MYCBP2: variants seen among roughly 807,000 people sequenced by gnomAD.
The protein encoded by MYCBP2 is E3 ubiquitin-protein ligase MYCBP2.
Under a neutral mutation model 525.3 loss-of-function variants are expected in MYCBP2, and 120 were observed. That is an observed-to-expected ratio of 0.23 (90% CI 0.20 to 0.27). MYCBP2 has a LOEUF of 0.27. Among genes scored for constraint, MYCBP2 ranks in the 10% least tolerant of loss-of-function variants. The probability of loss-of-function intolerance (pLI) is 1.00; values close to 1 mark genes in which losing one functional copy is unlikely to be tolerated. For synonymous variants in MYCBP2, 1,894 were observed against 1,955.8 expected (o/e 0.97, Z 0.83); for missense variants, 4,149 against 5,657.1 (o/e 0.73, Z 8.55).
chr13:77,153,179 TGC>T (rs1301671468), intron 46 of MYCBP2, among the ~76,000 whole-genome samples: 1 of 151,988 alleles, frequency 6.6e-6, no homozygotes, highest in Non-Finnish European at 1.5e-5. Context: ...ACACACTGGG[TGC>T]AGGAACCCAA....
chr13:77,214,478 T>C (rs939048623), intron 21 of MYCBP2, among the ~76,000 whole-genome samples: 1 of 151,990 alleles, frequency 6.6e-6, no homozygotes, highest in East Asian at 1.9e-4. Flanking sequence ...GCTTTATGAA[T>C]TGATATGGAG....
At chr13:77,123,659 G>A (rs2051138904) in intron 54 of MYCBP2, among the ~76,000 whole-genome samples, 1 of 152,138 alleles carries the variant, frequency 6.6e-6, no homozygotes, top group South Asian at 2.1e-4. Context: ...GTAAAAAGTT[G>A]CACAGCTGGG....
chr13:77,191,426 C>T (rs550988379), intron 28 of MYCBP2, among the ~76,000 whole-genome samples: 10 of 152,242 alleles, frequency 6.6e-5, no homozygotes, highest in South Asian at 2.1e-4. Context: ...TAATCAAGCT[C>T]GTAAACAATG....
intron 23 of MYCBP2, among the ~76,000 whole-genome samples, chr13:77,208,562 T>G (rs1041936085): frequency 2.6e-5 from 4 of 152,220 alleles, no homozygotes; most frequent in African/African-American, 9.6e-5. Context: ...CTTTAAATAC[T>G]GACTTGGAAA....
chr13:77,312,967 C>G (rs1030060486), intron 1 of MYCBP2, among the ~76,000 whole-genome samples: 1 of 151,924 alleles, frequency 6.6e-6, no homozygotes, highest in Admixed American at 6.6e-5. Flanking sequence ...CGAACACATT[C>G]TTCTCAAGTG....
intron 68 of MYCBP2, among the ~76,000 whole-genome samples, chr13:77,073,865 G>C (rs116793057): frequency 2.0e-3 from 300 of 152,170 alleles, no homozygotes; most frequent in African/African-American, 6.9e-3. Flanking sequence ...ACACTGCTGA[G>C]AGAAATTTTA....
In MYCBP2 at chr13:77,146,523, C is replaced by T. The variant is rs553007424; in HGVS notation, c.7132-306G>A. ...CTATACAGAAAGGAAAAGCTTCCAC[C>T]TTGGAGAAGGAGATTTGTAACTCGT... On this transcript the variant is annotated intron_variant, in intron 47 of 82. Transcript: ENST00000544440. Among the ~76,000 whole-genome samples the T allele has an allele frequency of 1.8e-4, 27 of 151,860 alleles. 1 individual carries two copies. The South Asian group carries it at 5.6e-3, about 32-fold the overall frequency.
At chr13:77,265,703 C>T (rs1055485242) in intron 8 of MYCBP2, among the ~76,000 whole-genome samples, 1 of 152,114 alleles carries the variant, frequency 6.6e-6, no homozygotes, top group Non-Finnish European at 1.5e-5. Flanking sequence ...GCTATTCCTA[C>T]CCACGAAAAA....
At chr13:77,214,569 A>G (rs1251512412) in intron 21 of MYCBP2, among the ~76,000 whole-genome samples, 2 of 152,198 alleles carry the variant, frequency 1.3e-5, no homozygotes, top group African/African-American at 4.8e-5. Context: ...AAAAACGGGA[A>G]AGGGGAAATA....
chr13:77,228,384 G>A lies in MYCBP2; in HGVS notation c.2738-2830C>T, dbSNP rs549048418. Among the ~76,000 whole-genome samples, 317 of 152,020 alleles carry A rather than the reference G, an allele frequency of 2.1e-3. 1 individual carries two copies. The highest frequency in any genetic ancestry group is 3.9e-3 in the Non-Finnish European group (263 of 67,964). ...TAGCTGGGTGTGGTGGTGAATACCT[G>A]CAGTCCCAGCTACTTGGGTGGCTGA... On this transcript the variant is annotated intron_variant, in intron 18 of 82. Transcript: ENST00000544440.
chr13:77,228,676 C>T (rs2066676604), intron 18 of MYCBP2, among the ~76,000 whole-genome samples: 1 of 140,690 alleles, frequency 7.1e-6, no homozygotes, highest in African/African-American at 2.7e-5. Context: ...CTGTATTTTC[C>T]CTAAGATGAA....
At chr13:77,203,704 A>T (rs1316516368) in intron 26 of MYCBP2, among the ~76,000 whole-genome samples, 1 of 152,248 alleles carries the variant, frequency 6.6e-6, no homozygotes, top group African/African-American at 2.4e-5. Context: ...AGAGATATAG[A>T]TCAATGGAAC....
chr13:77,172,105 T>G (rs986157365), intron 37 of MYCBP2, among the ~76,000 whole-genome samples: 3 of 152,190 alleles, frequency 2.0e-5, no homozygotes, highest in Non-Finnish European at 4.4e-5. Flanking sequence ...TTCACCACGT[T>G]GGCCAGGCTG....
chr13:77,081,728 TAAAAC>T lies in MYCBP2; in HGVS notation c.11194-82_11194-78del, dbSNP rs2043339085. 6.5e-7 allele frequency: 1 copy of T among 1,533,350 alleles called. No individual in the cohort carries two copies. The highest frequency in any genetic ancestry group is 2.0e-5 in the Admixed American group (1 of 50,694). 95.0% of individuals were successfully genotyped at this position (1,533,350 alleles called of 1,614,324 possible). On this transcript the variant is annotated intron_variant, in intron 64 of 82. Transcript: ENST00000544440. The surrounding 1 kb of genome is among the most constrained non-coding windows in gnomAD (Gnocchi z 4.6). ...GATGATAAAACAAACAGGTATAAGA[TAAAAC>T]ATAATGGAAGACAGGATCAAATTGA...
In MYCBP2 at chr13:77,065,985, A is replaced by C. The variant is rs778326100; in HGVS notation, c.12552+7T>G. ...TTCACTGCCAAAACAGAAGAATGGGAACTTACTGCTGCCATATCCTTGATA... is the reference window on the plus strand; with the variant it reads ...TTCACTGCCAAAACAGAAGAATGGGCACTTACTGCTGCCATATCCTTGATA... On this transcript the variant is annotated splice_region_variant and intron_variant, in intron 72 of 82. Transcript: ENST00000544440. The C allele has an allele frequency of 1.9e-6, 3 of 1,604,782 alleles. No homozygotes were observed. Among genetic ancestry groups the C allele is most frequent in the South Asian group, 1.1e-5 (1 of 89,394 alleles).
intron 56 of MYCBP2, among the ~76,000 whole-genome samples, chr13:77,096,859 C>T (rs2046331485): frequency 6.6e-6 from 1 of 151,680 alleles, no homozygotes; most frequent in Non-Finnish European, 1.5e-5. Flanking sequence ...AATATGTAGA[C>T]AAAGAAAAAA....
chr13:77,102,356 A>G (rs1207316230), intron 55 of MYCBP2, among the ~76,000 whole-genome samples: 2 of 151,736 alleles, frequency 1.3e-5, no homozygotes, highest in Non-Finnish European at 2.9e-5. Flanking sequence ...TGAGAAACAT[A>G]TAGCTGTTTT....
At chr13:77,103,674 G>A (rs2047417808) in intron 55 of MYCBP2, among the ~76,000 whole-genome samples, 1 of 151,678 alleles carries the variant, frequency 6.6e-6, no homozygotes, top group Non-Finnish European at 1.5e-5. Context: ...TTTTTTAATA[G>A]TGGAAGATAA....
intron 17 of MYCBP2, among the ~76,000 whole-genome samples, chr13:77,240,174 A>G (rs1316935922): frequency 6.6e-6 from 1 of 152,248 alleles, no homozygotes; most frequent in Non-Finnish European, 1.5e-5. Flanking sequence ...ATAAAATCAT[A>G]AAAGTGTCAT....
Sources: gnomAD v4.1 joint callset for allele counts (sites outside exome capture counted in the v4.1 genomes callset) on GRCh38, gnomAD v4.1.1 for gene constraint, Gnocchi (gnomAD v3.1) non-coding constraint, MANE v1.5 for transcripts, NCBI Gene and HGNC (gene_info 2026-07-23, HGNC 2026-07-21) for gene names.